The following EFR3A variants were observed in gnomAD, a reference collection of about 807,000 sequenced individuals.
The protein encoded by EFR3A is protein EFR3 homolog A.
EFR3A carries 76 observed loss-of-function variants against 104.4 expected under a neutral mutation model. The ratio of observed to expected loss-of-function variants is 0.73; its 90% CI spans 0.60 to 0.88. EFR3A has a LOEUF of 0.88. EFR3A is among the 40% of genes least tolerant of loss of function. The probability of loss-of-function intolerance (pLI) is 0.00; values close to 1 mark genes in which losing one functional copy is unlikely to be tolerated. For synonymous variants in EFR3A, 330 were observed against 330.0 expected (o/e 1.00, Z 0.00); for missense variants, 985 against 1,012.5 (o/e 0.97, Z 0.37).
chr8:131,964,086 C>CTGTCTATGA (rs1819557506), intron 8 of EFR3A, among the ~76,000 whole-genome samples: 1 of 152,156 alleles, frequency 6.6e-6, no homozygotes, highest in African/African-American at 2.4e-5. Context: ...ATAATAAGAG[C>CTGTCTATGA]TGTCTATGAC....
chr8:131,994,114 A>G (rs910618981), intron 18 of EFR3A, among the ~76,000 whole-genome samples: 1 of 152,104 alleles, frequency 6.6e-6, no homozygotes, highest in Non-Finnish European at 1.5e-5. Flanking sequence ...ACGGTGGCAC[A>G]TGCCTGTAGT....
At chr8:131,924,601 A>G (rs1563628700) in intron 1 of EFR3A, among the ~76,000 whole-genome samples, 1 of 152,274 alleles carries the variant, frequency 6.6e-6, no homozygotes, top group East Asian at 1.9e-4. Flanking sequence ...TTATTACTCC[A>G]GAACATCCTG....
rs995823154 is a variant in EFR3A at position 131,970,619 on chromosome 8, C to G, written c.1135C>G (p.Gln379Glu). 6.2e-7 allele frequency: 1 copy of G among 1,613,598 alleles called. No homozygotes were observed. Among genetic ancestry groups the G allele is most frequent in the Non-Finnish European group, 8.5e-7 (1 of 1,179,688 alleles). ...CAAAGACAATGATGAGAAGATTGTG[C>G]AGAATGCTATCATCCAAACAATAGG... is the stretch of plus-strand genomic sequence containing the variant. ...SSKDNDEKIVQNAIIQTIGFF... is the reference protein window; with the variant it reads ...SSKDNDEKIVENAIIQTIGFF... The change falls in exon 10 of 23, where the codon CAG (glutamine) becomes GAG (glutamate). Residue 379 changes from glutamine (Q) to glutamate (E), a missense_variant. Coordinates refer to ENST00000254624, the MANE Select transcript of EFR3A (RefSeq NM_015137.6).
chr8:131,949,739 A>G (rs575005448), intron 4 of EFR3A, among the ~76,000 whole-genome samples: 1 of 145,412 alleles, frequency 6.9e-6, no homozygotes, highest in East Asian at 1.9e-4. Context: ...ACTTGAGCCT[A>G]GGAATTCAAG....
At chr8:131,995,687 A>G (rs896409628) in intron 18 of EFR3A, among the ~76,000 whole-genome samples, 2 of 152,170 alleles carry the variant, frequency 1.3e-5, no homozygotes, top group African/African-American at 4.8e-5. Flanking sequence ...TGGGATTATA[A>G]TTACAGGACT....
At chr8:131,993,163 G>A (rs1821286243) in intron 18 of EFR3A, among the ~76,000 whole-genome samples, 1 of 152,124 alleles carries the variant, frequency 6.6e-6, no homozygotes, top group Admixed American at 6.6e-5. Context: ...GGCCAAAAAT[G>A]TCCATAGTGT....
At position 131,977,029 on chromosome 8, in the gene EFR3A, T is replaced by C; in HGVS notation, c.1275-12T>C. 6.3e-7 allele frequency: 1 copy of C among 1,581,656 alleles called. No individual in the cohort carries two copies. The highest frequency in any genetic ancestry group is 8.6e-7 in the Non-Finnish European group (1 of 1,158,762). ...TAATTAGTATAATAATTCAGCCTTT[T>C]GTATATTTTAGGGATTTGGGAACCA... On this transcript the variant is annotated splice_polypyrimidine_tract_variant and intron_variant, in intron 11 of 22. Transcript: ENST00000254624.
intron 9 of EFR3A, among the ~76,000 whole-genome samples, chr8:131,969,408 AC>A (rs956756059): frequency 6.6e-6 from 1 of 152,054 alleles, no homozygotes; most frequent in African/African-American, 2.4e-5. Flanking sequence ...TTTGCATATA[AC>A]CTTTGCACAC....
At chr8:131,910,644 C>T (rs1486670883) in intron 1 of EFR3A, among the ~76,000 whole-genome samples, 1 of 152,214 alleles carries the variant, frequency 6.6e-6, no homozygotes, top group Non-Finnish European at 1.5e-5. Context: ...ACACACACCT[C>T]TGTAAAAGGA....
chr8:131,979,240 A>C, intron 13 of EFR3A, 106 bp from the exon 14 acceptor site: 1 of 1,023,368 alleles, frequency 9.8e-7, no homozygotes, highest in Admixed American at 2.6e-5. Context: ...GTATCATTAC[A>C]TACAGGCTTA....
chr8:132,004,783 A>T (rs983905050), intron 22 of EFR3A, among the ~76,000 whole-genome samples: 2 of 152,230 alleles, frequency 1.3e-5, no homozygotes, highest in African/African-American at 4.8e-5. Flanking sequence ...TGAAGACACC[A>T]AGGCTTAGAG....
At chr8:131,964,611 A>G (rs1819590694) in intron 8 of EFR3A, among the ~76,000 whole-genome samples, 1 of 152,046 alleles carries the variant, frequency 6.6e-6, no homozygotes. Flanking sequence ...TGCTCATGGT[A>G]GAAGAATCAA....
rs960205545 is a variant in EFR3A, at chr8:131,953,111, T to G, written c.489-707T>G. Among the ~76,000 whole-genome samples, 4 of 152,204 alleles carry G rather than the reference T, an allele frequency of 2.6e-5. No individual in the cohort carries two copies. In the South Asian group the frequency reaches 6.2e-4, roughly 24 times the overall value. On this transcript the variant is annotated intron_variant, in intron 5 of 22. Coordinates refer to ENST00000254624, the MANE Select transcript of EFR3A (RefSeq NM_015137.6). ...CTTCTCATTCTTGAACCTATAGATT[T>G]TTATTTTCTTTTGCTTTTTTAAAGA...
At chr8:131,979,705 A>G (rs894649190) in intron 14 of EFR3A, among the ~76,000 whole-genome samples, 1 of 152,118 alleles carries the variant, frequency 6.6e-6, no homozygotes, top group African/African-American at 2.4e-5. Context: ...CTCTCCCACT[A>G]AAAACACACG....
chr8:131,983,281 T>G (rs1358763776), intron 14 of EFR3A, among the ~76,000 whole-genome samples: 1 of 152,134 alleles, frequency 6.6e-6, no homozygotes, highest in African/African-American at 2.4e-5. Flanking sequence ...AAAATACTGA[T>G]GCTTGTGCTT....
chr8:131,982,460 G>A (rs1274133493), intron 14 of EFR3A, among the ~76,000 whole-genome samples: 1 of 151,934 alleles, frequency 6.6e-6, no homozygotes, highest in Non-Finnish European at 1.5e-5. Flanking sequence ...TTGTACACAT[G>A]TTGTGCTGTA....
intron 1 of EFR3A, among the ~76,000 whole-genome samples, chr8:131,904,762 C>T (rs1372696032): frequency 2.6e-5 from 4 of 152,368 alleles, no homozygotes; most frequent in South Asian, 4.1e-4. Context: ...GCCAGACAGA[C>T]CCCCGACAGC....
At chr8:131,985,958 T>A (rs1224405214) in intron 16 of EFR3A, among the ~76,000 whole-genome samples, 2 of 152,246 alleles carry the variant, frequency 1.3e-5, no homozygotes, top group African/African-American at 4.8e-5. Flanking sequence ...CATTTTTTGC[T>A]TTATATATTA....
Position 131,979,218 on chromosome 8 carries a change from A to G in EFR3A, c.1500-128A>G, listed in dbSNP as rs73349377. 8.1e-4 allele frequency: 771 copies of G among 947,890 alleles called. 5 individuals are homozygous for G. In the African/African-American group the frequency reaches 0.012, roughly 14 times the overall value. The allele number at this position is 947,890 out of a possible 1,614,324, so 58.7% of individuals were successfully genotyped here. A position where few individuals can be genotyped will look rare whatever the true frequency, so the allele number is the denominator to read the frequency against. On this transcript the variant is annotated intron_variant, in intron 13 of 22. Coordinates refer to ENST00000254624, the MANE Select transcript of EFR3A (RefSeq NM_015137.6). ...GGAGGGCACGTATGTACTCTTCAGA[A>G]GCAATTCAGTAGTATCATTACATAC...
Sources: allele counts gnomAD v4.1 joint callset (sites outside exome capture counted in the v4.1 genomes callset), GRCh38; gene constraint gnomAD v4.1.1; transcripts MANE v1.5; gene names NCBI Gene and HGNC (gene_info 2026-07-23, HGNC 2026-07-21).